The following NTRK2 variants were observed in gnomAD, a reference collection of about 807,000 sequenced individuals.
The protein encoded by NTRK2 is BDNF/NT-3 growth factors receptor.
Under a neutral mutation model 94.5 loss-of-function variants are expected in NTRK2, and 13 were observed. The ratio of observed to expected loss-of-function variants is 0.14; its 90% CI spans 0.09 to 0.22. NTRK2 has a LOEUF of 0.22. NTRK2 is among the 10% of genes least tolerant of loss of function. NTRK2 has a pLI of 1.00. For missense variants in NTRK2, 639 were observed against 1,071.2 expected (o/e 0.60, Z 5.63); for synonymous variants, 372 against 407.4 (o/e 0.91, Z 1.05).
intron 15 of NTRK2, among the ~76,000 whole-genome samples, chr9:84,946,475 C>A (rs2078602801): frequency 6.6e-6 from 1 of 152,132 alleles, no homozygotes; most frequent in African/African-American, 2.4e-5. Flanking sequence ...AGTAAACATG[C>A]AATTGGAATG....
At chr9:84,859,368 G>T (rs577516054) in intron 12 of NTRK2, among the ~76,000 whole-genome samples, 1 of 152,324 alleles carries the variant, frequency 6.6e-6, no homozygotes, top group East Asian at 1.9e-4. Flanking sequence ...GTGAAAGTGA[G>T]ACCTGGCATA....
At chr9:85,007,402 G>A (rs550540228) in intron 17 of NTRK2, among the ~76,000 whole-genome samples, 3 of 152,282 alleles carry the variant, frequency 2.0e-5, no homozygotes, top group South Asian at 4.1e-4. Flanking sequence ...AAGATCAAAC[G>A]GGGCACAAGC....
intron 12 of NTRK2, among the ~76,000 whole-genome samples, chr9:84,844,492 T>C (rs1324663078): frequency 1.3e-5 from 2 of 152,202 alleles, no homozygotes; most frequent in Admixed American, 1.3e-4. Context: ...TGCTGATGTT[T>C]CTGGGTAACT....
rs113150129 is a variant in NTRK2, at chr9:84,824,609, C to T, written c.1397-36431C>T. 1.6e-3 allele frequency among the ~76,000 whole-genome samples: 245 copies of T among 152,322 alleles called. 2 individuals carry two copies. Among genetic ancestry groups the T allele is most frequent in the African/African-American group, 5.7e-3 (235 of 41,582 alleles). The stretch of plus-strand genomic sequence containing the variant: ...GCCCTAAATGGGCTCCCAAGAGAGG[C>T]TGAGGCAGCTCTCAGTTCTAAATTT... On this transcript the variant is annotated intron_variant, in intron 12 of 18. Transcript: ENST00000277120.
chr9:84,998,713 A>G (rs1462335126), intron 17 of NTRK2, among the ~76,000 whole-genome samples: 1 of 152,160 alleles, frequency 6.6e-6, no homozygotes, highest in Admixed American at 6.5e-5. Flanking sequence ...GCTCTGCTTC[A>G]CGGAGAAACT....
chr9:84,735,851 C>T (rs1315384580), intron 9 of NTRK2, among the ~76,000 whole-genome samples: 1 of 152,172 alleles, frequency 6.6e-6, no homozygotes, highest in Non-Finnish European at 1.5e-5. Context: ...AGAAAGTGTA[C>T]ATGGAGACTG....
In NTRK2 at chr9:84,750,843, G is replaced by A. The variant is rs182147809; in HGVS notation, c.1297-1143G>A. Among the ~76,000 whole-genome samples, 9 of 152,332 alleles carry A rather than the reference G, an allele frequency of 5.9e-5. No homozygotes were observed. The East Asian group carries it at 7.7e-4, about 13-fold the overall frequency. On this transcript the variant is annotated intron_variant, in intron 11 of 18. Transcript: ENST00000277120. ...GCCGCTGACAACTTTGCTCTAAAAT[G>A]TTAAGATGCACTTAGAGGAGCATCA...
intron 12 of NTRK2, among the ~76,000 whole-genome samples, chr9:84,754,148 G>T (rs1206389239): frequency 6.6e-6 from 1 of 152,126 alleles, no homozygotes; most frequent in Non-Finnish European, 1.5e-5. Flanking sequence ...TAACCTGAGG[G>T]CATCCTTAAT....
intron 12 of NTRK2, among the ~76,000 whole-genome samples, chr9:84,777,861 A>G (rs2067202721): frequency 6.6e-6 from 1 of 152,220 alleles, no homozygotes; most frequent in South Asian, 2.1e-4. Flanking sequence ...TTAAAATAAT[A>G]TATGTTCTCT....
chr9:84,764,529 G>T (rs558675029), intron 12 of NTRK2, among the ~76,000 whole-genome samples: 55 of 152,270 alleles, frequency 3.6e-4, no homozygotes, highest in Non-Finnish European at 6.6e-4. Flanking sequence ...ACTAGGGAGG[G>T]TCATAGGATT....
intron 15 of NTRK2, among the ~76,000 whole-genome samples, chr9:84,947,805 C>T (rs772970373): frequency 4.6e-5 from 7 of 152,232 alleles, no homozygotes; most frequent in African/African-American, 7.2e-5. Context: ...CACTAAATGC[C>T]AGCTTTGCCC....
At chr9:84,735,323 G>A (rs962110770) in intron 9 of NTRK2, among the ~76,000 whole-genome samples, 2 of 152,068 alleles carry the variant, frequency 1.3e-5, no homozygotes, top group African/African-American at 4.8e-5. Context: ...AAACTCCTGG[G>A]GACCCTGTTA....
intron 9 of NTRK2, among the ~76,000 whole-genome samples, chr9:84,730,466 C>G (rs546222647): frequency 7.9e-6 from 1 of 127,206 alleles, no homozygotes; most frequent in South Asian, 2.2e-4. Flanking sequence ...ATAGGCCGGG[C>G]GCGGTGGCTC....
chr9:84,917,745 T>C (rs944463869), intron 14 of NTRK2, among the ~76,000 whole-genome samples: 18 of 151,838 alleles, frequency 1.2e-4, no homozygotes, highest in African/African-American at 4.4e-4. Context: ...AAAGAAAGGG[T>C]TTTTCCTAAA....
intron 2 of NTRK2, among the ~76,000 whole-genome samples, chr9:84,688,752 AC>A (rs1405839692): frequency 6.6e-6 from 1 of 152,200 alleles, no homozygotes; most frequent in Non-Finnish European, 1.5e-5. Flanking sequence ...GATTGTAAAA[AC>A]TGTGCCTGAA....
chr9:84,815,516 C>G (rs200460399), intron 12 of NTRK2: 2 of 964,400 alleles, frequency 2.1e-6, no homozygotes, highest in Admixed American at 9.5e-5. Flanking sequence ...TTCTCATGCC[C>G]TGTTTTTTTT....
intron 12 of NTRK2, among the ~76,000 whole-genome samples, chr9:84,803,442 C>T (rs1163336655): frequency 6.6e-6 from 1 of 152,208 alleles, no homozygotes; most frequent in Non-Finnish European, 1.5e-5. Flanking sequence ...ATATGCGGCC[C>T]TACCTTGGTC....
intron 15 of NTRK2, among the ~76,000 whole-genome samples, chr9:84,944,211 T>TCACACACA (rs1226529948): frequency 6.5e-5 from 9 of 139,038 alleles, no homozygotes; most frequent in South Asian, 2.3e-4. Flanking sequence ...TCTCTCTCTC[T>TCACACACA]CTCTCACACA....
chr9:84,713,789 A>G lies in NTRK2; in HGVS notation c.583+2998A>G, dbSNP rs10081679. 6.6e-3 allele frequency among the ~76,000 whole-genome samples: 1,006 copies of G among 151,882 alleles called. 12 individuals are homozygous for G. Among genetic ancestry groups the G allele is most frequent in the African/African-American group, 0.023 (964 of 41,436 alleles). ...GTCTGTTGCTTGCTCTTTCTAGGTA[A>G]ACTGTGCTTTTTATATTTTTTCCCC... On this transcript the variant is annotated intron_variant, in intron 6 of 18. Transcript: ENST00000277120.
Sources: gnomAD v4.1 joint callset for allele counts (sites outside exome capture counted in the v4.1 genomes callset) on GRCh38, gnomAD v4.1.1 for gene constraint, MANE v1.5 for transcripts, NCBI Gene and HGNC (gene_info 2026-07-23, HGNC 2026-07-21) for gene names.